GCDH: variants seen among roughly 807,000 people sequenced by gnomAD.
GCDH encodes glutaryl-CoA dehydrogenase, mitochondrial.
Under a neutral mutation model 52.8 loss-of-function variants are expected in GCDH, and 31 were observed. That is an observed-to-expected ratio of 0.59 (90% CI 0.44 to 0.79). The LOEUF is 0.79. GCDH is among the 30% of genes least tolerant of loss of function. The pLI is 0.00. For synonymous variants in GCDH, 242 were observed against 250.0 expected, an observed-to-expected ratio of 0.97 and a Z score of 0.30; for missense variants, 509 against 595.0, an observed-to-expected ratio of 0.86 and a Z score of 1.50.
At chr19:12,895,797 T>TTTTG in intron 6 of GCDH, among the ~76,000 whole-genome samples, 195 bp from the exon 7 acceptor site, 1 of 127,274 alleles carries the variant, frequency 7.9e-6, no homozygotes, top group East Asian at 2.1e-4. Flanking sequence ...TTTTTTTTTT[T>TTTTG]TAAGTAGAGA....
intron 11 of GCDH, 192 bp downstream of exon 11, chr19:12,898,055 T>C: frequency 3.2e-6 from 2 of 621,796 alleles, no homozygotes; most frequent in Non-Finnish European, 5.8e-6. Context: ...AAGTGCTTCA[T>C]GCAGCACACA....
intron 9 of GCDH, 89 bp downstream of exon 9, chr19:12,897,102 C>A: frequency 8.2e-7 from 1 of 1,224,308 alleles, no homozygotes; most frequent in Non-Finnish European, 1.2e-6. Flanking sequence ...CAGCCCCCAC[C>A]CACCAGGCCT....
At chr19:12,897,565 G>T in intron 10 of GCDH, 137 bp downstream of exon 10, 1 of 1,432,092 alleles carries the variant, frequency 7.0e-7, no homozygotes, top group South Asian at 1.2e-5. Flanking sequence ...TCCTTGATGG[G>T]CTGGGCTGAG....
intron 11 of GCDH, chr19:12,898,076 C>T: frequency 1.7e-6 from 1 of 586,664 alleles, no homozygotes; most frequent in South Asian, 1.9e-5. Context: ...GAGGCCCCAT[C>T]AGGCCTTGCG....
intron 6 of GCDH, chr19:12,894,747 A>T: frequency 1.2e-6 from 1 of 834,894 alleles, no homozygotes; most frequent in Non-Finnish European, 1.8e-6. Context: ...AATAAAGAAG[A>T]GGCTGCAGAA....
chr19:12,896,481 G>A lies in GCDH; in HGVS notation c.852+60G>A. On this transcript the variant is annotated intron_variant, in intron 8 of 11. Coordinates refer to ENST00000222214, the MANE Select transcript of GCDH (RefSeq NM_000159.4). The surrounding 1 kb of genome is among the most constrained non-coding windows in gnomAD (Gnocchi z 5.5). The stretch of plus-strand genomic sequence containing the variant: ...TCACCTGCGGATGCGGCTTTGTCAG[G>A]CAGGCTCCGTGCTGGGGACGCGGCT... The A allele has an allele frequency of 4.6e-6, 6 of 1,307,104 alleles. No individual in the cohort carries two copies. Among genetic ancestry groups the A allele is most frequent in the South Asian group, 2.5e-5 (2 of 81,448 alleles). 81.0% of individuals were successfully genotyped at this position (1,307,104 alleles called of 1,614,324 possible).
At chr19:12,897,507 T>A (rs1970713274) in intron 10 of GCDH, 79 bp downstream of exon 10, 2 of 1,552,520 alleles carry the variant, frequency 1.3e-6, no homozygotes, top group Non-Finnish European at 1.8e-6. Flanking sequence ...AGAAAGGTCC[T>A]TCCTGCCTGG....
At chr19:12,894,719 C>A in intron 6 of GCDH, 1 of 804,224 alleles carries the variant, frequency 1.2e-6, no homozygotes, top group Non-Finnish European at 2.0e-6. Flanking sequence ...TGCTCTGAAG[C>A]AGCCGCATAT....
At chr19:12,894,736 AAAT>A in intron 6 of GCDH, 1 of 839,392 alleles carries the variant, frequency 1.2e-6, no homozygotes, top group Non-Finnish European at 1.8e-6. Context: ...ATATTAAGAA[AAAT>A]AAAGAAGAGG....
chr19:12,897,037 T>C, intron 9 of GCDH, 24 bp downstream of exon 9: 1 of 1,573,072 alleles, frequency 6.4e-7, no homozygotes, highest in African/African-American at 1.3e-5. Flanking sequence ...GCAGTGAGAT[T>C]CTCTGGGGGT....
chr19:12,891,828 C>A lies in GCDH; in HGVS notation c.128-3C>A. 1 of 1,613,900 alleles carries A rather than the reference C, an allele frequency of 6.2e-7. No homozygotes were observed. The highest frequency in any genetic ancestry group is 8.5e-7 in the Non-Finnish European group (1 of 1,179,998). On this transcript the variant is annotated splice_polypyrimidine_tract_variant and splice_region_variant and intron_variant, in intron 3 of 11. Transcript: ENST00000222214. Reference sequence around the variant, plus strand: ...CTGGACCGAGGCGAATTCCCCTTCCCAGCCTCGCGTCCCGAGTTTGACTGG... The same window carrying A: ...CTGGACCGAGGCGAATTCCCCTTCCAAGCCTCGCGTCCCGAGTTTGACTGG...
chr19:12,894,956 C>T, intron 6 of GCDH: 1 of 342,786 alleles, frequency 2.9e-6, no homozygotes, highest in Non-Finnish European at 5.4e-6. Flanking sequence ...GACCAGGCCT[C>T]TGCTGACCTT....
rs1357477138 is a variant in GCDH at position 12,899,943 on chromosome 19, G to A, written c.*402G>A. 1.2e-6 allele frequency: 2 copies of A among 1,611,498 alleles called. No homozygotes were observed. The highest frequency in any genetic ancestry group is 3.4e-5 in the Admixed American group (2 of 59,350). On this transcript the variant is annotated 3_prime_UTR_variant, in exon 12 of 12. Coordinates refer to ENST00000222214, the MANE Select transcript of GCDH (RefSeq NM_000159.4). ...CTGGGTGTTGGAGCAGAGTGAGGGAGAGGAAAATAAAGACCTGCACATCTG... is the reference window on the plus strand; with the variant it reads ...CTGGGTGTTGGAGCAGAGTGAGGGAAAGGAAAATAAAGACCTGCACATCTG...
At position 12,896,837 on chromosome 19, in the gene GCDH, C is replaced by A; in HGVS notation, c.853-73C>A. The A allele has an allele frequency of 9.4e-7, 1 of 1,061,756 alleles. No individual in the cohort carries two copies. The highest frequency in any genetic ancestry group is 1.3e-5 in the South Asian group (1 of 78,634). The allele number at this position is 1,061,756 out of a possible 1,614,324, so 65.8% of individuals were successfully genotyped here. ...GTGGCTGGGGAGGAGGCTTTCCCTG[C>A]TTCAGAGTTGGTTCTGCATAGGCCC... On this transcript the variant is annotated intron_variant, in intron 8 of 11. Coordinates refer to ENST00000222214, the MANE Select transcript of GCDH (RefSeq NM_000159.4). This position sits in a 1 kb window ranked among gnomAD's most constrained non-coding sequence, Gnocchi z 5.5.
At chr19:12,897,096 C>A in intron 9 of GCDH, 83 bp downstream of exon 9, 1 of 1,235,832 alleles carries the variant, frequency 8.1e-7, no homozygotes, top group Non-Finnish European at 1.2e-6. Context: ...ACTCCCCAGC[C>A]CCCACCCACC....
chr19:12,891,168 T>G lies in GCDH; in HGVS notation c.-69T>G. 5 of 706,066 alleles carry G rather than the reference T, an allele frequency of 7.1e-6. No homozygotes were observed. The South Asian group carries it at 7.5e-5, about 11-fold the overall frequency. The allele number at this position is 706,066 out of a possible 1,614,324, so 43.7% of individuals were successfully genotyped here. On this transcript the variant is annotated 5_prime_UTR_variant, in exon 1 of 12. Coordinates refer to ENST00000222214, the MANE Select transcript of GCDH (RefSeq NM_000159.4). ...GGTCAAAGGCCTGCGTCAGTTGCAC[T>G]GTAGCCTCGGCAGTGAACCGGGAGG... is the stretch of plus-strand genomic sequence containing the variant.
chr19:12,899,780 G>C lies in GCDH; in HGVS notation c.*239G>C. Reference sequence around the variant, plus strand: ...CCACTTTTAACCATGGATGAGAGCAGACTCCATTTACCCTGAAATAGCAGC... The same window carrying C: ...CCACTTTTAACCATGGATGAGAGCACACTCCATTTACCCTGAAATAGCAGC... On this transcript the variant is annotated 3_prime_UTR_variant, in exon 12 of 12. Transcript: ENST00000222214. 6.2e-7 allele frequency: 1 copy of C among 1,601,754 alleles called. No homozygotes were observed. Among genetic ancestry groups the C allele is most frequent in the African/African-American group, 1.3e-5 (1 of 74,776 alleles).
At chr19:12,893,436 AG>A in intron 5 of GCDH, 46 bp from the exon 6 acceptor site, 1 of 1,474,356 alleles carries the variant, frequency 6.8e-7, no homozygotes. Context: ...TTAGCTGGGC[AG>A]GGCCCTGTTC....
At chr19:12,894,660 T>C in intron 6 of GCDH, 1 of 789,378 alleles carries the variant, frequency 1.3e-6, no homozygotes, top group Non-Finnish European at 2.1e-6. Flanking sequence ...GCACCCAAGA[T>C]TCAGCGCCTT....
Sources: allele counts gnomAD v4.1 joint callset (sites outside exome capture counted in the v4.1 genomes callset), GRCh38; gene constraint gnomAD v4.1.1; non-coding constraint Gnocchi (gnomAD v3.1); transcripts MANE v1.5; gene names NCBI Gene and HGNC (gene_info 2026-07-23, HGNC 2026-07-21).